The following HDHD5 variants were observed in gnomAD, a reference collection of about 807,000 sequenced individuals.
HDHD5 encodes the protein haloacid dehalogenase-like hydrolase domain-containing 5.
Under a neutral mutation model 35.5 loss-of-function variants are expected in HDHD5, and 34 were observed. The ratio of observed to expected loss-of-function variants is 0.96; its 90% CI spans 0.73 to 1.28. The LOEUF (loss-of-function observed/expected upper bound fraction) is 1.28. Among genes scored for constraint, HDHD5 ranks in the 50% most tolerant of loss-of-function variants. The probability of loss-of-function intolerance (pLI) is 0.00; values close to 1 mark genes in which losing one functional copy is unlikely to be tolerated. For synonymous variants in HDHD5, 248 were observed against 240.6 expected, an observed-to-expected ratio of 1.03 and a Z score of -0.29; for missense variants, 589 against 560.2, an observed-to-expected ratio of 1.05 and a Z score of -0.52.
At chr22:17,144,969 A>AG in intron 4 of HDHD5, 55 bp downstream of exon 4, 1 of 1,591,884 alleles carries the variant, frequency 6.3e-7, no homozygotes. Flanking sequence ...CAGCCAATGC[A>AG]GGGCACTGGA....
At chr22:17,143,564 A>T (rs1287493771) in intron 4 of HDHD5, 1 of 163,264 alleles carries the variant, frequency 6.1e-6, no homozygotes, top group Non-Finnish European at 1.3e-5. Context: ...CTCCATCCCC[A>T]GGCCATGGTA....
rs372356199 is a variant in HDHD5 at position 17,157,271 on chromosome 22, CT to C, written c.126+1854del. Among the ~76,000 whole-genome samples, 395 of 136,650 alleles carry C rather than the reference CT, an allele frequency of 2.9e-3. 4 individuals are homozygous for C. The highest frequency in any genetic ancestry group is 3.6e-3 in the Middle Eastern group (1 of 274). The allele number at this position is 136,650 out of a possible 152,430, so 89.6% of individuals were successfully genotyped here. On this transcript the variant is annotated intron_variant, in intron 1 of 7. Transcript: ENST00000336737. ...AGAAAGTTAAACTAAGGTTAATTTT[CT>C]TTTTTTTTTTTTTTGATAAGAGTCA...
chr22:17,139,493 A>C (rs1314939656), intron 6 of HDHD5, among the ~76,000 whole-genome samples: 3 of 151,360 alleles, frequency 2.0e-5, no homozygotes, highest in South Asian at 2.1e-4. Context: ...GCACCACTGC[A>C]TTCCAGCCTG....
Position 17,141,047 on chromosome 22 carries a change from T to G in HDHD5, c.746+12A>C, listed in dbSNP as rs372508597. On this transcript the variant is annotated intron_variant, in intron 6 of 7. Coordinates refer to ENST00000336737, the MANE Select transcript of HDHD5 (RefSeq NM_033070.3). ...GACCACCAGGCCAAGGCTGGGAGCTTTGTGTCCTCACCTGGGCATCTTGGC... is the reference window on the plus strand; with the variant it reads ...GACCACCAGGCCAAGGCTGGGAGCTGTGTGTCCTCACCTGGGCATCTTGGC... 1.3e-6 allele frequency: 2 copies of G among 1,568,098 alleles called. No homozygotes were observed. The highest frequency in any genetic ancestry group is 2.8e-5 in the African/African-American group (2 of 71,586).
At chr22:17,162,941 C>T (rs558927018), upstream of HDHD5, among the ~76,000 whole-genome samples, 4 of 152,338 alleles carry the variant, frequency 2.6e-5, 1 homozygote, top group African/African-American at 9.6e-5. Context: ...CCCTGCCCTG[C>T]TGTTGCTTAA....
At position 17,137,882 on chromosome 22, in the gene HDHD5, T is replaced by G. The variant is rs2061551188; in HGVS notation, c.*139A>C. 1 of 648,146 alleles carries G rather than the reference T, an allele frequency of 1.5e-6. No homozygotes were observed. Among genetic ancestry groups the G allele is most frequent in the Non-Finnish European group, 2.7e-6 (1 of 377,330 alleles). 40.1% of individuals were successfully genotyped at this position (648,146 alleles called of 1,614,324 possible). On this transcript the variant is annotated 3_prime_UTR_variant, in exon 8 of 8. Transcript: ENST00000336737. ...TCACTGTCTTCTTCCAAGTGACCAG[T>G]AATGCCACACTCATGGGGCAGCAAG...
chr22:17,164,222 G>GAAAAA (rs60212114), upstream of HDHD5, among the ~76,000 whole-genome samples: 2 of 111,950 alleles, frequency 1.8e-5, no homozygotes, highest in Non-Finnish European at 3.8e-5. Context: ...CTCCATCTCA[G>GAAAAA]AAAAAAAAAA....
At chr22:17,150,613 C>T (rs943290185) in intron 1 of HDHD5, among the ~76,000 whole-genome samples, 21 of 151,944 alleles carry the variant, frequency 1.4e-4, no homozygotes, top group African/African-American at 2.9e-4. Context: ...CTGCCTCCCA[C>T]GTTCAAGTGA....
At chr22:17,149,977 TC>T (rs2061708583) in intron 1 of HDHD5, among the ~76,000 whole-genome samples, 1 of 152,164 alleles carries the variant, frequency 6.6e-6, no homozygotes, top group Non-Finnish European at 1.5e-5. Context: ...TACAGAGTCT[TC>T]CCGTTGCCCA....
intron 1 of HDHD5, among the ~76,000 whole-genome samples, chr22:17,157,770 T>A (rs1051402080): frequency 2.1e-4 from 32 of 152,190 alleles, no homozygotes; most frequent in African/African-American, 7.2e-4. Context: ...AGCTGCTCCA[T>A]ATTTAAAAAT....
intron 1 of HDHD5, among the ~76,000 whole-genome samples, chr22:17,156,550 G>A (rs1288098232): frequency 2.0e-5 from 3 of 152,114 alleles, no homozygotes; most frequent in African/African-American, 7.2e-5. Flanking sequence ...GCCAAGGAGG[G>A]CAGATCACGA....
intron 1 of HDHD5, among the ~76,000 whole-genome samples, chr22:17,151,921 C>G (rs1302145502): frequency 6.6e-6 from 1 of 152,156 alleles, no homozygotes; most frequent in Non-Finnish European, 1.5e-5. Flanking sequence ...CAGAATTAAA[C>G]AAAGGCAGTT....
chr22:17,157,288 A>ATTTTTTTT (rs2061809003), intron 1 of HDHD5, among the ~76,000 whole-genome samples: 1 of 111,930 alleles, frequency 8.9e-6, no homozygotes, highest in African/African-American at 3.4e-5. Context: ...TTTTTTTTTG[A>ATTTTTTTT]TAAGAGTCAG....
At chr22:17,146,241 A>G (rs1182004496) in intron 3 of HDHD5, among the ~76,000 whole-genome samples, 1 of 151,992 alleles carries the variant, frequency 6.6e-6, no homozygotes, top group African/African-American at 2.4e-5. Flanking sequence ...GTACCCCTCC[A>G]AGAAGCCACA....
At chr22:17,151,999 C>A (rs1162107735) in intron 1 of HDHD5, among the ~76,000 whole-genome samples, 6 of 152,246 alleles carry the variant, frequency 3.9e-5, no homozygotes, top group Non-Finnish European at 5.9e-5. Context: ...ACTCTTTGCA[C>A]CCCCCAGTCA....
chr22:17,152,018 C>T (rs891497046), intron 1 of HDHD5, among the ~76,000 whole-genome samples: 7 of 152,188 alleles, frequency 4.6e-5, no homozygotes, highest in African/African-American at 1.7e-4. Context: ...CACCCCCAGA[C>T]TAGATGAGTG....
intron 3 of HDHD5, 63 bp from the exon 4 acceptor site, chr22:17,145,180 C>T (rs2061647786): frequency 6.2e-7 from 1 of 1,601,414 alleles, no homozygotes; most frequent in Non-Finnish European, 8.5e-7. Context: ...CTGAATGCAT[C>T]AAATCACAAG....
At chr22:17,145,665 T>A (rs1281355505) in intron 3 of HDHD5, among the ~76,000 whole-genome samples, 2 of 152,096 alleles carry the variant, frequency 1.3e-5, no homozygotes, top group Non-Finnish European at 1.5e-5. Flanking sequence ...GCACTCCAAC[T>A]TGGGCAACAG....
chr22:17,157,645 T>C (rs1301995336), intron 1 of HDHD5, among the ~76,000 whole-genome samples: 3 of 152,252 alleles, frequency 2.0e-5, no homozygotes, highest in Admixed American at 6.5e-5. Flanking sequence ...TTTCCTTATA[T>C]TTATATCCTG....
Sources: allele counts gnomAD v4.1 joint callset (sites outside exome capture counted in the v4.1 genomes callset), GRCh38; gene constraint gnomAD v4.1.1; transcripts MANE v1.5; gene names NCBI Gene and HGNC (gene_info 2026-07-23, HGNC 2026-07-21).